Variants in FSTL5 observed in about 807,000 individuals in gnomAD.
The protein encoded by FSTL5 is follistatin like 5.
FSTL5 carries 62 observed loss-of-function variants against 89.1 expected under a neutral mutation model. The ratio of observed to expected loss-of-function variants is 0.70; its 90% CI spans 0.57 to 0.86. The LOEUF (loss-of-function observed/expected upper bound fraction) is 0.86. Among genes scored for constraint, FSTL5 ranks in the 40% least tolerant of loss-of-function variants. The pLI is 0.00. For missense variants in FSTL5, 1,057 were observed against 1,001.6 expected (o/e 1.06, Z -0.75); for synonymous variants, 383 against 346.2 (o/e 1.11, Z -1.18).
chr4:161,978,326 AAAAAC>A, intron 3 of FSTL5, among the ~76,000 whole-genome samples: 1 of 152,204 alleles, frequency 6.6e-6, no homozygotes. Flanking sequence ...CTTCAATTGG[AAAAAC>A]AAAACAAAAG....
intron 4 of FSTL5, among the ~76,000 whole-genome samples, chr4:161,909,283 T>G (rs188339916): frequency 6.6e-6 from 1 of 152,234 alleles, no homozygotes. Flanking sequence ...ATAATAATAC[T>G]GCATCTATGA....
At chr4:161,788,149 A>G (rs771392179) in intron 4 of FSTL5, among the ~76,000 whole-genome samples, 6 of 152,172 alleles carry the variant, frequency 3.9e-5, no homozygotes, top group Admixed American at 6.6e-5. Context: ...GACACGTAAT[A>G]ATTGTACATC....
At chr4:161,641,737 G>T (rs62330764) in intron 7 of FSTL5, among the ~76,000 whole-genome samples, 1 of 151,886 alleles carries the variant, frequency 6.6e-6, no homozygotes, top group Non-Finnish European at 1.5e-5. Context: ...TTATCTGCCC[G>T]CCTTGGCCTC....
At chr4:161,880,947 T>C (rs1427272095) in intron 4 of FSTL5, among the ~76,000 whole-genome samples, 1 of 152,044 alleles carries the variant, frequency 6.6e-6, no homozygotes, top group Admixed American at 6.6e-5. Context: ...GTGAGGGAAC[T>C]GCTCTGTATC....
intron 4 of FSTL5, among the ~76,000 whole-genome samples, chr4:161,920,159 T>C (rs1334716135): frequency 6.6e-6 from 1 of 152,184 alleles, no homozygotes; most frequent in Non-Finnish European, 1.5e-5. Flanking sequence ...AGCCATATGG[T>C]GCAATGCTGA....
At chr4:161,656,865 T>C (rs1157753459) in intron 6 of FSTL5, among the ~76,000 whole-genome samples, 1 of 148,746 alleles carries the variant, frequency 6.7e-6, no homozygotes, top group African/African-American at 2.5e-5. Context: ...AGATTTATAC[T>C]GTAGGTTAGG....
intron 4 of FSTL5, among the ~76,000 whole-genome samples, chr4:161,792,185 T>C (rs1382762805): frequency 6.6e-6 from 1 of 152,098 alleles, no homozygotes; most frequent in Non-Finnish European, 1.5e-5. Flanking sequence ...GGCACTATCA[T>C]AACTCAGATG....
intron 7 of FSTL5, among the ~76,000 whole-genome samples, chr4:161,649,867 C>T (rs996719735): frequency 1.6e-4 from 24 of 152,114 alleles, no homozygotes; most frequent in African/African-American, 4.6e-4. Context: ...TATACCGCTA[C>T]GGAACTGGAA....
chr4:161,472,464 T>G (rs1454969695), intron 13 of FSTL5, among the ~76,000 whole-genome samples: 1 of 152,168 alleles, frequency 6.6e-6, no homozygotes, highest in African/African-American at 2.4e-5. Context: ...TCTTGATTTT[T>G]TTAAATGTAA....
chr4:161,622,653 A>G (rs1735184378), intron 7 of FSTL5, among the ~76,000 whole-genome samples: 1 of 152,134 alleles, frequency 6.6e-6, no homozygotes, highest in African/African-American at 2.4e-5. Context: ...AAGTTAAGAG[A>G]ATGATTTAAT....
intron 3 of FSTL5, among the ~76,000 whole-genome samples, chr4:162,004,478 C>A (rs956788612): frequency 6.6e-6 from 1 of 152,054 alleles, no homozygotes; most frequent in African/African-American, 2.4e-5. Context: ...CAGTCACATG[C>A]GTCTTCTTTT....
chr4:161,859,246 T>C (rs1174547514), intron 4 of FSTL5, among the ~76,000 whole-genome samples: 2 of 152,314 alleles, frequency 1.3e-5, no homozygotes, highest in East Asian at 3.9e-4. Flanking sequence ...TTCTACTCTG[T>C]CTCACATCCT....
At position 161,759,547 on chromosome 4, in the gene FSTL5, T is replaced by G; in HGVS notation, c.607-16A>C. The G allele has an allele frequency of 6.8e-7, 1 of 1,480,160 alleles. No homozygotes were observed. The highest frequency in any genetic ancestry group is 2.4e-5 in the East Asian group (1 of 41,028). The allele number at this position is 1,480,160 out of a possible 1,614,324, so 91.7% of individuals were successfully genotyped here. A position where few individuals can be genotyped will look rare whatever the true frequency, so the allele number is the denominator to read the frequency against. The stretch of plus-strand genomic sequence containing the variant: ...GTTTTATCACCTAACAAGAAAATTA[T>G]AAACCATACCTTTAGATTTGTGTCT... On this transcript the variant is annotated splice_polypyrimidine_tract_variant and intron_variant, in intron 5 of 15. Coordinates refer to ENST00000306100, the MANE Select transcript of FSTL5 (RefSeq NM_020116.5).
chr4:161,652,498 G>C (rs1157109305), intron 7 of FSTL5, among the ~76,000 whole-genome samples: 33 of 152,054 alleles, frequency 2.2e-4, no homozygotes, highest in Non-Finnish European at 1.5e-5. Context: ...CTGCTTCATA[G>C]AGTTGTTCTT....
At chr4:161,929,518 T>C (rs554254478) in intron 3 of FSTL5, among the ~76,000 whole-genome samples, 31 of 151,792 alleles carry the variant, frequency 2.0e-4, no homozygotes, top group Admixed American at 6.6e-4. Flanking sequence ...GGATTTTCAA[T>C]TGTGTGATAT....
chr4:161,502,032 T>A (rs1161593891), intron 11 of FSTL5, among the ~76,000 whole-genome samples: 1 of 152,062 alleles, frequency 6.6e-6, no homozygotes, highest in Non-Finnish European at 1.5e-5. Context: ...TTTTTATTAC[T>A]AAGCTCTTAA....
At chr4:161,405,169 G>C (rs558277641) in intron 15 of FSTL5, among the ~76,000 whole-genome samples, 1 of 151,932 alleles carries the variant, frequency 6.6e-6, no homozygotes, top group Middle Eastern at 3.4e-3. Flanking sequence ...GGAGGCAGAA[G>C]TTGCAGTGAG....
intron 6 of FSTL5, among the ~76,000 whole-genome samples, chr4:161,687,769 G>A (rs1366916461): frequency 6.6e-6 from 1 of 152,158 alleles, no homozygotes; most frequent in Admixed American, 6.5e-5. Flanking sequence ...TATGTGCAAG[G>A]AGAATATCAA....
At chr4:162,102,693 TATA>T (rs549119472) in intron 2 of FSTL5, among the ~76,000 whole-genome samples, 2,238 of 145,596 alleles carry the variant, frequency 0.015, 40 homozygotes, top group Non-Finnish European at 0.024. Flanking sequence ...TTTATATTTA[TATA>T]ATATTTATAT....
Sources: allele counts gnomAD v4.1 joint callset (sites outside exome capture counted in the v4.1 genomes callset), GRCh38; gene constraint gnomAD v4.1.1; transcripts MANE v1.5; gene names NCBI Gene and HGNC (gene_info 2026-07-23, HGNC 2026-07-21).